CDH13: variants seen among roughly 807,000 people sequenced by gnomAD.
CDH13 encodes the protein cadherin 13.
A neutral mutation model predicts 63.8 loss-of-function variants in CDH13; 24 were observed. That is an observed-to-expected ratio of 0.38 (90% CI 0.27 to 0.53). CDH13 has a LOEUF of 0.53. CDH13 is among the 20% of genes least tolerant of loss of function. CDH13 has a pLI of 0.85. For synonymous variants in CDH13, 503 were observed against 355.3 expected (o/e 1.42, Z -4.67); for missense variants, 1,049 against 903.1 (o/e 1.16, Z -2.07).
chr16:83,673,788 G>T (rs1025946777), intron 9 of CDH13, among the ~76,000 whole-genome samples: 1 of 152,322 alleles, frequency 6.6e-6, no homozygotes, highest in African/African-American at 2.4e-5. Context: ...AGGTGGTTCT[G>T]TTGTTCACAG....
At chr16:82,740,543 A>T (rs1421316928) in intron 1 of CDH13, among the ~76,000 whole-genome samples, 1 of 152,078 alleles carries the variant, frequency 6.6e-6, no homozygotes, top group African/African-American at 2.4e-5. Context: ...TGGCTTACAC[A>T]TTGCTCCATA....
intron 1 of CDH13, among the ~76,000 whole-genome samples, chr16:82,758,605 C>T (rs2034713072): frequency 1.3e-5 from 2 of 152,160 alleles, no homozygotes; most frequent in Non-Finnish European, 2.9e-5. Flanking sequence ...AATCAGCAGC[C>T]TCTAGAGGAG....
chr16:83,081,635 C>A (rs990473024), intron 3 of CDH13, among the ~76,000 whole-genome samples: 2 of 151,966 alleles, frequency 1.3e-5, no homozygotes, highest in Admixed American at 6.6e-5. Flanking sequence ...TTGGGGAGAC[C>A]TGTCCTCTTG....
intron 7 of CDH13, among the ~76,000 whole-genome samples, chr16:83,527,706 A>G (rs562606999): frequency 6.6e-6 from 1 of 152,286 alleles, no homozygotes; most frequent in South Asian, 2.1e-4. Flanking sequence ...AAATGCTGAG[A>G]CAACACCCAG....
At chr16:83,423,636 A>T (rs534872498) in intron 6 of CDH13, among the ~76,000 whole-genome samples, 1 of 152,310 alleles carries the variant, frequency 6.6e-6, no homozygotes, top group East Asian at 1.9e-4. Flanking sequence ...GGTTGTAAAT[A>T]CTCCCAGAGG....
intron 1 of CDH13, among the ~76,000 whole-genome samples, chr16:82,834,895 A>C (rs963063776): frequency 8.5e-5 from 13 of 152,212 alleles, no homozygotes; most frequent in Non-Finnish European, 1.6e-4. Flanking sequence ...TATAATGGCT[A>C]CATAAAATCC....
intron 1 of CDH13, among the ~76,000 whole-genome samples, chr16:82,799,018 C>G (rs1302087728): frequency 6.6e-6 from 1 of 152,098 alleles, no homozygotes; most frequent in Non-Finnish European, 1.5e-5. Context: ...TCACCAGAGT[C>G]CTTGTTTAAT....
At chr16:83,046,201 A>G (rs1410912270) in intron 3 of CDH13, among the ~76,000 whole-genome samples, 2 of 152,188 alleles carry the variant, frequency 1.3e-5, no homozygotes, top group African/African-American at 2.4e-5. Flanking sequence ...TGCCACATTT[A>G]AAAAATAAGA....
At chr16:82,816,083 A>T (rs1402513058) in intron 1 of CDH13, among the ~76,000 whole-genome samples, 1 of 152,154 alleles carries the variant, frequency 6.6e-6, no homozygotes. Context: ...CGAAGGGTGT[A>T]CGGAGGATGA....
intron 1 of CDH13, chr16:82,646,217 T>C (rs1910072179): frequency 1.3e-5 from 2 of 152,202 alleles, no homozygotes; most frequent in Admixed American, 1.3e-4. Context: ...TGAGACGGAG[T>C]CTCGCTCTTT....
At chr16:83,185,219 C>A (rs905843805) in intron 4 of CDH13, among the ~76,000 whole-genome samples, 10 of 152,094 alleles carry the variant, frequency 6.6e-5, no homozygotes, top group African/African-American at 1.9e-4. Context: ...TACATTCATA[C>A]CCCATCTTTT....
At chr16:83,711,350 A>T (rs957434538) in intron 10 of CDH13, among the ~76,000 whole-genome samples, 1 of 152,198 alleles carries the variant, frequency 6.6e-6, no homozygotes, top group South Asian at 2.1e-4. Context: ...TAGGCATAAC[A>T]GATGACATAG....
intron 5 of CDH13, among the ~76,000 whole-genome samples, chr16:83,337,709 A>G (rs2090630460): frequency 1.5e-5 from 2 of 133,800 alleles, no homozygotes; most frequent in African/African-American, 2.9e-5. Context: ...GGCTGATACT[A>G]TAATATTTCG....
chr16:82,678,358 TA>T (rs1376633750), intron 1 of CDH13, among the ~76,000 whole-genome samples: 2 of 151,734 alleles, frequency 1.3e-5, no homozygotes, highest in East Asian at 1.9e-4. Flanking sequence ...CAATTTTTAC[TA>T]CATGATTTCC....
chr16:83,724,504 A>G (rs1336912932), intron 10 of CDH13, among the ~76,000 whole-genome samples: 2 of 151,562 alleles, frequency 1.3e-5, no homozygotes, highest in Non-Finnish European at 2.9e-5. Flanking sequence ...GGTGAGTGAT[A>G]AATGCATGAG....
chr16:83,759,790 G>C (rs185117403), intron 11 of CDH13, among the ~76,000 whole-genome samples: 1 of 151,818 alleles, frequency 6.6e-6, no homozygotes, highest in Non-Finnish European at 1.5e-5. Context: ...TATCCAAGTG[G>C]TGTGGCACAC....
rs552436682 is a variant in CDH13 at position 83,160,761 on chromosome 16, C to T, written c.483+35260C>T. Among the ~76,000 whole-genome samples, 9 of 152,296 alleles carry T rather than the reference C, an allele frequency of 5.9e-5. No individual in the cohort carries two copies. The South Asian group carries it at 8.3e-4, about 14-fold the overall frequency. On this transcript the variant is annotated intron_variant, in intron 4 of 13. Coordinates refer to ENST00000567109, the MANE Select transcript of CDH13 (RefSeq NM_001257.5). ...GTATTAACTGATGAGCTCAGAGATG[C>T]TCGGAAACCTCCTGCCTGCACAACA... is the stretch of plus-strand genomic sequence containing the variant.
intron 5 of CDH13, among the ~76,000 whole-genome samples, chr16:83,295,955 C>G (rs2089585776): frequency 6.6e-6 from 1 of 152,096 alleles, no homozygotes; most frequent in South Asian, 2.1e-4. Context: ...AATGGATAAA[C>G]TATTTTTAAT....
At chr16:83,152,946 G>T (rs1256823009) in intron 4 of CDH13, among the ~76,000 whole-genome samples, 1 of 152,260 alleles carries the variant, frequency 6.6e-6, no homozygotes, top group African/African-American at 2.4e-5. Context: ...CAGAGATTGG[G>T]ATGATGCATC....
Sources: gnomAD v4.1 joint callset for allele counts (sites outside exome capture counted in the v4.1 genomes callset) on GRCh38, gnomAD v4.1.1 for gene constraint, MANE v1.5 for transcripts, NCBI Gene and HGNC (gene_info 2026-07-23, HGNC 2026-07-21) for gene names.